The following PCDHAC1 variants were observed in gnomAD, a reference collection of about 807,000 sequenced individuals.
PCDHAC1 encodes the protein protocadherin alpha subfamily C, 1.
Under a neutral mutation model 60.0 loss-of-function variants are expected in PCDHAC1, and 42 were observed. The ratio of observed to expected loss-of-function variants is 0.70; its 90% confidence interval spans 0.55 to 0.90. The LOEUF is 0.90. Ranked by LOEUF, PCDHAC1 falls within the 40% of genes least tolerant of loss-of-function variation. PCDHAC1 has a pLI of 0.00. For missense variants in PCDHAC1, 1,160 were observed against 1,222.3 expected (o/e 0.95, Z 0.76); for synonymous variants, 468 against 499.3 (o/e 0.94, Z 0.84).
chr5:140,934,580 T>C lies in PCDHAC1; in HGVS notation c.2433+5255T>C, dbSNP rs531235009. 3.9e-5 allele frequency among the ~76,000 whole-genome samples: 6 copies of C among 152,296 alleles called. No individual in the cohort carries two copies. In the East Asian group the frequency reaches 1.2e-3, roughly 29 times the overall value. On this transcript the variant is annotated intron_variant, in intron 1 of 3. Transcript: ENST00000253807. ...CTTTTTTTTAATTAATTGTAACATT[T>C]CTGTAATGGGTCTTCAACTATTTGA...
chr5:140,928,776 T>C lies in PCDHAC1; in HGVS notation c.1884T>C (p.Asp628=), dbSNP rs2085518837. 1 of 1,614,044 alleles carries C rather than the reference T, an allele frequency of 6.2e-7. No homozygotes were observed. Among genetic ancestry groups the C allele is most frequent in the East Asian group, 2.2e-5 (1 of 44,894 alleles). Residue 628 remains aspartate (D), a synonymous_variant, in exon 1 of 4, where the codon GAT becomes GAC. Transcript: ENST00000253807. Reference sequence around the variant, plus strand: ...CTGCTCGCTTAGTTCTTCCCACTGATGCAGTTAAGCAGAGGGTGGTGGTAG... The same window carrying C: ...CTGCTCGCTTAGTTCTTCCCACTGACGCAGTTAAGCAGAGGGTGGTGGTAG... ...LRTARLVLPT[D]AVKQRVVVVV...
chr5:140,986,173 C>G (rs1459755039), intron 3 of PCDHAC1, among the ~76,000 whole-genome samples: 1 of 152,202 alleles, frequency 6.6e-6, no homozygotes, highest in Non-Finnish European at 1.5e-5. Flanking sequence ...GCAGGATAAA[C>G]AAGTCAGGCA....
chr5:141,007,728 G>A (rs2098342783), intron 3 of PCDHAC1, among the ~76,000 whole-genome samples: 1 of 152,096 alleles, frequency 6.6e-6, no homozygotes, highest in Non-Finnish European at 1.5e-5. Context: ...GAGAACAAAG[G>A]TTAACCACTG....
chr5:141,008,036 C>G (rs1372261299), intron 3 of PCDHAC1, among the ~76,000 whole-genome samples: 1 of 151,938 alleles, frequency 6.6e-6, no homozygotes, highest in Non-Finnish European at 1.5e-5. Context: ...GTTAATCTGC[C>G]TTTTGTAACA....
chr5:140,947,100 T>C (rs782585215), intron 1 of PCDHAC1, among the ~76,000 whole-genome samples: 16 of 151,438 alleles, frequency 1.1e-4, no homozygotes, highest in Non-Finnish European at 2.1e-4. Context: ...AGCCCATAAA[T>C]AGGTACGTGT....
intron 1 of PCDHAC1, among the ~76,000 whole-genome samples, chr5:140,948,500 T>C (rs1482428616): frequency 6.6e-6 from 1 of 151,662 alleles, no homozygotes; most frequent in Non-Finnish European, 1.5e-5. Context: ...TCATAGACTT[T>C]CTATTAAAAA....
chr5:140,929,681 A>C, intron 1 of PCDHAC1: 1 of 302,408 alleles, frequency 3.3e-6, no homozygotes. Flanking sequence ...AAAAATATGT[A>C]AGAGTCTGCT....
rs56843453 is a variant in PCDHAC1 at position 141,000,391 on chromosome 5, C to A, written c.2582-9236C>A. Reference sequence around the variant, plus strand: ...TCTCTCTCTCTCTCTCTCTCTCTCTCTCTCTATATATATATATATATATAT... The same window carrying A: ...TCTCTCTCTCTCTCTCTCTCTCTCTATCTCTATATATATATATATATATAT... On this transcript the variant is annotated intron_variant, in intron 3 of 3. Transcript: ENST00000253807. Among the ~76,000 whole-genome samples the A allele has an allele frequency of 8.6e-3, 487 of 56,544 alleles. 1 individual carries two copies. Among genetic ancestry groups the A allele is most frequent in the Non-Finnish European group, 9.4e-3 (310 of 32,842 alleles). The allele number at this position is 56,544 out of a possible 152,430, so 37.1% of individuals were successfully genotyped here.
intron 1 of PCDHAC1, chr5:140,968,839 T>C (rs1426943047): frequency 1.3e-5 from 21 of 1,614,052 alleles, no homozygotes; most frequent in Non-Finnish European, 1.7e-5. Flanking sequence ...TCCCTGACAC[T>C]CAGAGGCATG....
intron 3 of PCDHAC1, among the ~76,000 whole-genome samples, chr5:140,997,807 G>A (rs557351308): frequency 4.5e-4 from 68 of 152,118 alleles, no homozygotes; most frequent in African/African-American, 1.5e-3. Context: ...CCAATTTGCT[G>A]TTGGTATCTA....
chr5:140,958,492 A>G (rs2095426229), intron 1 of PCDHAC1, among the ~76,000 whole-genome samples: 1 of 152,112 alleles, frequency 6.6e-6, no homozygotes, highest in Non-Finnish European at 1.5e-5. Context: ...AAGTCCACAT[A>G]TCCTAGGAGG....
intron 1 of PCDHAC1, chr5:140,966,679 G>C (rs1554228549): frequency 8.3e-6 from 11 of 1,317,564 alleles, no homozygotes; most frequent in East Asian, 3.0e-5. Context: ...AGGGTGGCAC[G>C]AGCGGAGGCG....
chr5:141,005,990 A>G (rs1375805001), intron 3 of PCDHAC1, among the ~76,000 whole-genome samples: 6 of 151,998 alleles, frequency 3.9e-5, no homozygotes, highest in Admixed American at 3.9e-4. Flanking sequence ...GTGTTTGAGG[A>G]TCTGAAAGAA....
At chr5:140,952,125 AG>A (rs1234128402) in intron 1 of PCDHAC1, among the ~76,000 whole-genome samples, 1 of 152,092 alleles carries the variant, frequency 6.6e-6, no homozygotes, top group Non-Finnish European at 1.5e-5. Context: ...TGGGCTCCCA[AG>A]GCCTTGGGAA....
intron 1 of PCDHAC1, among the ~76,000 whole-genome samples, chr5:140,956,676 G>A (rs1281224695): frequency 5.3e-5 from 8 of 152,126 alleles, no homozygotes; most frequent in Admixed American, 2.0e-4. Flanking sequence ...GAGTTAGGGA[G>A]GAGTACCTCC....
intron 1 of PCDHAC1, among the ~76,000 whole-genome samples, chr5:140,941,551 G>A (rs1247023682): frequency 4.0e-5 from 6 of 151,616 alleles, no homozygotes; most frequent in Non-Finnish European, 8.8e-5. Flanking sequence ...TCCTGACCTC[G>A]TGATCCATTC....
chr5:140,932,562 G>A lies in PCDHAC1; in HGVS notation c.2433+3237G>A, dbSNP rs566002035. The stretch of plus-strand genomic sequence containing the variant: ...TTATTTAACATACATTCCACAAGTA[G>A]ACTTTCCCATAGGGTAATTAGATGT... On this transcript the variant is annotated intron_variant, in intron 1 of 3. Coordinates refer to ENST00000253807, the MANE Select transcript of PCDHAC1 (RefSeq NM_018898.5). Among the ~76,000 whole-genome samples the A allele has an allele frequency of 1.9e-4, 29 of 151,988 alleles. No individual in the cohort carries two copies. The South Asian group carries it at 6.0e-3, about 32-fold the overall frequency.
intron 3 of PCDHAC1, among the ~76,000 whole-genome samples, chr5:140,990,256 A>G (rs2153888367): frequency 6.6e-6 from 1 of 152,332 alleles, no homozygotes; most frequent in Middle Eastern, 3.4e-3. Flanking sequence ...TCTGCTGGAT[A>G]CCAAACAATG....
intron 1 of PCDHAC1, among the ~76,000 whole-genome samples, chr5:140,953,493 A>G (rs959606912): frequency 8.5e-5 from 13 of 152,108 alleles, no homozygotes; most frequent in Non-Finnish European, 1.5e-5. Flanking sequence ...CACAACCTTG[A>G]TCAGCTATTA....
Sources: allele counts gnomAD v4.1 joint callset (sites outside exome capture counted in the v4.1 genomes callset), GRCh38; gene constraint gnomAD v4.1.1; transcripts MANE v1.5; gene names NCBI Gene and HGNC (gene_info 2026-07-23, HGNC 2026-07-21).